TFB2M: variants seen among roughly 807,000 people sequenced by gnomAD.
The protein encoded by TFB2M is dimethyladenosine transferase 2, mitochondrial.
A neutral mutation model predicts 41.3 loss-of-function variants in TFB2M; 44 were observed. The observed-to-expected ratio is 1.07, with a 90% confidence interval of 0.84 to 1.37. The LOEUF is 1.37. Ranked by LOEUF, TFB2M falls within the 40% of genes most tolerant of loss-of-function variation. TFB2M has a pLI of 0.00. For missense variants in TFB2M, 496 were observed against 490.2 expected (o/e 1.01, Z -0.11); for synonymous variants, 188 against 176.8 (o/e 1.06, Z -0.50).
At chr1:246,552,804 T>G (rs747628433) in intron 4 of TFB2M, among the ~76,000 whole-genome samples, 6 of 152,002 alleles carry the variant, frequency 3.9e-5, no homozygotes, top group Non-Finnish European at 8.8e-5. Flanking sequence ...CTGAGTATGG[T>G]AGCTCACACT....
intron 6 of TFB2M, among the ~76,000 whole-genome samples, chr1:246,545,554 AAGG>A (rs374953068): frequency 6.6e-6 from 1 of 151,470 alleles, no homozygotes. Flanking sequence ...GTTTGCTATG[AAGG>A]AGGAGGATTC....
chr1:246,540,979 G>A lies in TFB2M; in HGVS notation c.*52C>T. 1 of 1,553,456 alleles carries A rather than the reference G, an allele frequency of 6.4e-7. No homozygotes were observed. Among genetic ancestry groups the A allele is most frequent in the Non-Finnish European group, 8.7e-7 (1 of 1,150,620 alleles). ...GTGAGTTTTCAAATTTGGTTTTCATGTCATAGTTTCCAAATAAATGAACCG... is the reference window on the plus strand; with the variant it reads ...GTGAGTTTTCAAATTTGGTTTTCATATCATAGTTTCCAAATAAATGAACCG... On this transcript the variant is annotated 3_prime_UTR_variant, in exon 8 of 8. Coordinates refer to ENST00000366514, the MANE Select transcript of TFB2M (RefSeq NM_022366.3).
chr1:246,566,086 G>A lies in TFB2M; in HGVS notation c.53C>T (p.Ala18Val), dbSNP rs1212854420. ...TAAAATGCAAAAGCGACCAGCGCCC[G>A]CCAAGGCGGAGAGCCTCAGCCGCCG... ...LPRRLRLSAL[A>V]GAGRFCILGS... is the part of the protein sequence containing the mutation. The change falls in exon 1 of 8, where the codon GCG (alanine) becomes GTG (valine). Residue 18 changes from alanine (A) to valine (V), a missense_variant. By Grantham distance (64) the Ala-to-Val change is moderately conservative (BLOSUM62 0). Coordinates refer to ENST00000366514, the MANE Select transcript of TFB2M (RefSeq NM_022366.3). The A allele has an allele frequency of 3.1e-6, 5 of 1,612,862 alleles. No individual in the cohort carries two copies. The highest frequency in any genetic ancestry group is 4.2e-6 in the Non-Finnish European group (5 of 1,179,170).
At chr1:246,548,252 TTAAAA>T (rs1311820118) in intron 6 of TFB2M, among the ~76,000 whole-genome samples, 1 of 152,178 alleles carries the variant, frequency 6.6e-6, no homozygotes, top group African/African-American at 2.4e-5. Context: ...TAGATAAATA[TTAAAA>T]TGATTTTATT....
chr1:246,556,636 A>G lies in TFB2M; in HGVS notation c.642T>C (p.Cys214=). ...TTCGTCCAAATTTATATATAGAAGT[A>G]CAGGAATACAAGTCATATGCGAGTT... ...LWKLAYDLYS[C]TSIYKFGRIE... is the part of the protein sequence containing the mutation. Residue 214 remains cysteine (C), a synonymous_variant, in exon 4 of 8, where the codon TGT becomes TGC. Coordinates refer to ENST00000366514, the MANE Select transcript of TFB2M (RefSeq NM_022366.3). The G allele has an allele frequency of 1.3e-6, 2 of 1,574,208 alleles. No homozygotes were observed. Among genetic ancestry groups the G allele is most frequent in the Non-Finnish European group, 1.7e-6 (2 of 1,164,088 alleles).
At chr1:246,547,683 C>T (rs1234364505) in intron 6 of TFB2M, among the ~76,000 whole-genome samples, 1 of 150,402 alleles carries the variant, frequency 6.6e-6, no homozygotes, top group African/African-American at 2.4e-5. Context: ...TTTTTTTAAG[C>T]CCCAAACCTT....
At chr1:246,562,710 A>G (rs1196974151) in intron 2 of TFB2M, among the ~76,000 whole-genome samples, 1 of 151,756 alleles carries the variant, frequency 6.6e-6, no homozygotes, top group Non-Finnish European at 1.5e-5. Context: ...CCCAGGCTGC[A>G]GTGCAGTGGT....
intron 3 of TFB2M, 93 bp downstream of exon 3, chr1:246,557,288 A>C (rs1659348821): frequency 7.0e-7 from 1 of 1,427,086 alleles, no homozygotes. Flanking sequence ...ACAAACAAAT[A>C]AATAAAACAC....
At chr1:246,548,497 A>C (rs1458618070) in intron 6 of TFB2M, 48 bp downstream of exon 6, 1 of 1,525,520 alleles carries the variant, frequency 6.6e-7, no homozygotes, top group East Asian at 2.3e-5. Context: ...TAAAATAAAA[A>C]ATACGTCACG....
In TFB2M at chr1:246,566,238, C is replaced by T. The variant is rs1328223274; in HGVS notation, c.-100G>A. ...CGTGGAACATTTTCTGGCGTCCGGG[C>T]CAGGTCAAGCGGAAGTAAACACTAG... is the stretch of plus-strand genomic sequence containing the variant. On this transcript the variant is annotated 5_prime_UTR_variant, in exon 1 of 8. Coordinates refer to ENST00000366514, the MANE Select transcript of TFB2M (RefSeq NM_022366.3). 2 of 1,256,068 alleles carry T rather than the reference C, an allele frequency of 1.6e-6. No individual in the cohort carries two copies. The highest frequency in any genetic ancestry group is 2.2e-6 in the Non-Finnish European group (2 of 909,458). The allele number at this position is 1,256,068 out of a possible 1,614,324, so 77.8% of individuals were successfully genotyped here. A position where few individuals can be genotyped will look rare whatever the true frequency, so the allele number is the denominator to read the frequency against.
chr1:246,545,761 G>A (rs1163157679), intron 6 of TFB2M, among the ~76,000 whole-genome samples: 1 of 140,804 alleles, frequency 7.1e-6, no homozygotes, highest in African/African-American at 2.6e-5. Flanking sequence ...GCAGTGAGCC[G>A]AGATTACGCC....
At chr1:246,544,187 G>A (rs1319111612) in intron 7 of TFB2M, among the ~76,000 whole-genome samples, 1 of 152,190 alleles carries the variant, frequency 6.6e-6, no homozygotes, top group Non-Finnish European at 1.5e-5. Context: ...GTAAGTGTGG[G>A]CACGCCTCCA....
chr1:246,545,147 T>C (rs1007145650), intron 6 of TFB2M, among the ~76,000 whole-genome samples: 2 of 151,928 alleles, frequency 1.3e-5, no homozygotes, highest in African/African-American at 4.8e-5. Context: ...AAAGCCCTAA[T>C]TGGTCTTTAC....
At chr1:246,554,717 T>G (rs541910603) in intron 4 of TFB2M, among the ~76,000 whole-genome samples, 2 of 152,258 alleles carry the variant, frequency 1.3e-5, no homozygotes, top group Admixed American at 1.3e-4. Flanking sequence ...ACTTGAATCA[T>G]CCTGAAACCA....
At chr1:246,561,758 G>A (rs1032395326) in intron 2 of TFB2M, among the ~76,000 whole-genome samples, 2 of 152,150 alleles carry the variant, frequency 1.3e-5, no homozygotes, top group Admixed American at 1.3e-4. Flanking sequence ...CATGGGCCTC[G>A]GTCCTCAGCC....
intron 7 of TFB2M, among the ~76,000 whole-genome samples, chr1:246,543,395 C>G (rs1009375342): frequency 6.6e-6 from 1 of 152,048 alleles, no homozygotes; most frequent in Admixed American, 6.6e-5. Flanking sequence ...ACAAATTACA[C>G]AGATGGCTGG....
chr1:246,556,101 A>G (rs1659314691), intron 4 of TFB2M, among the ~76,000 whole-genome samples: 1 of 152,172 alleles, frequency 6.6e-6, no homozygotes, highest in Admixed American at 6.5e-5. Flanking sequence ...AGAATGGAAT[A>G]TTATTCAGCC....
At chr1:246,565,686 T>TG in intron 1 of TFB2M, 140 bp downstream of exon 1, 1 of 968,824 alleles carries the variant, frequency 1.0e-6, no homozygotes, top group Non-Finnish European at 1.5e-6. Context: ...CACTCCAGCC[T>TG]GGCAACACAG....
intron 4 of TFB2M, among the ~76,000 whole-genome samples, chr1:246,554,569 C>T (rs1446762662): frequency 2.0e-5 from 3 of 152,108 alleles, no homozygotes; most frequent in Admixed American, 6.6e-5. Flanking sequence ...TCCTGTCACC[C>T]GCAAGTAGGA....
Sources: allele counts gnomAD v4.1 joint callset (sites outside exome capture counted in the v4.1 genomes callset), GRCh38; gene constraint gnomAD v4.1.1; transcripts MANE v1.5; gene names NCBI Gene and HGNC (gene_info 2026-07-23, HGNC 2026-07-21).